HDX: variants seen among roughly 807,000 people sequenced by gnomAD.
The protein encoded by HDX is chromosome X open reading frame 43.
In HDX, 19 loss-of-function variants were observed where a neutral mutation model predicts 45.2. That is an observed-to-expected ratio of 0.42 (90% CI 0.29 to 0.62). The LOEUF is 0.62. Among genes scored for constraint, HDX ranks in the 20% least tolerant of loss-of-function variants. The probability of loss-of-function intolerance (pLI) is 0.20; values close to 1 mark genes in which losing one functional copy is unlikely to be tolerated. For synonymous variants in HDX, 188 were observed against 172.8 expected (o/e 1.09, Z -0.69); for missense variants, 532 against 493.9 (o/e 1.08, Z -0.73).
chrX:84,476,258 T>C (rs982213534), intron 2 of HDX, among the ~76,000 whole-genome samples: 1 of 111,412 alleles, frequency 9.0e-6, no homozygotes, highest in African/African-American at 3.3e-5. Flanking sequence ...AAAGAATCCT[T>C]GTGATTAGAT....
rs1199842616 is a variant in HDX, at chrX:84,406,838, G to C, written c.1305+33694C>G. ...AAACATTTGTTTCATATGAAATTAA[G>C]TAAGAACATAAACTCATACTAAAAA... On this transcript the variant is annotated intron_variant, in intron 5 of 10. Coordinates refer to ENST00000373177, the MANE Select transcript of HDX (RefSeq NM_001177479.2). 3.6e-5 allele frequency among the ~76,000 whole-genome samples: 4 copies of C among 110,269 alleles called. No homozygotes were observed. The East Asian group carries it at 1.1e-3, about 31-fold the overall frequency.
At chrX:84,458,986 C>T (rs1032768685) in intron 4 of HDX, among the ~76,000 whole-genome samples, 1 of 111,443 alleles carries the variant, frequency 9.0e-6, no homozygotes, top group Non-Finnish European at 1.9e-5. Flanking sequence ...ATACACCCTA[C>T]CAAAAAAGTG....
At chrX:84,355,487 T>C (rs764062750) in intron 6 of HDX, among the ~76,000 whole-genome samples, 3 of 111,776 alleles carry the variant, frequency 2.7e-5, no homozygotes, top group South Asian at 3.7e-4. Flanking sequence ...CTTGAGAGAG[T>C]TGCATTTTTC....
intron 9 of HDX, among the ~76,000 whole-genome samples, chrX:84,329,775 G>A (rs1374775479): frequency 9.0e-6 from 1 of 111,720 alleles, no homozygotes; most frequent in Non-Finnish European, 1.9e-5. Context: ...TGTATCCTCT[G>A]ACCATCATTC....
chrX:84,327,730 T>A (rs1350123308), intron 9 of HDX, among the ~76,000 whole-genome samples: 1 of 111,745 alleles, frequency 8.9e-6, no homozygotes, highest in Non-Finnish European at 1.9e-5. Context: ...TACCTTGGGT[T>A]AGGCAAAAAG....
At chrX:84,418,448 A>AG (rs1262172879) in intron 5 of HDX, among the ~76,000 whole-genome samples, 1 of 111,762 alleles carries the variant, frequency 8.9e-6, no homozygotes, top group East Asian at 2.8e-4. Context: ...GGTATGTATT[A>AG]GGGGGGTACA....
chrX:84,398,210 A>G (rs979921448), intron 5 of HDX, among the ~76,000 whole-genome samples: 1 of 111,379 alleles, frequency 9.0e-6, no homozygotes, highest in African/African-American at 3.3e-5. Context: ...TGACAGATCA[A>G]ATTTACACAC....
intron 7 of HDX, among the ~76,000 whole-genome samples, chrX:84,340,371 C>T (rs1373463720): frequency 2.7e-5 from 3 of 110,779 alleles, no homozygotes; most frequent in Non-Finnish European, 5.7e-5. Context: ...AGATATCTTT[C>T]CCTTCTTAGA....
chrX:84,318,003 G>T lies in HDX; in HGVS notation c.*3886C>A, dbSNP rs1408105018. ...AGAGGTAGTACTAGTAAAATGGGAT[G>T]CAGGATTGCTAAAATGAATTACTTA... On this transcript the variant is annotated 3_prime_UTR_variant, in exon 11 of 11. Coordinates refer to ENST00000373177, the MANE Select transcript of HDX (RefSeq NM_001177479.2). 1 of 111,148 alleles carries T rather than the reference G, an allele frequency of 9.0e-6. No individual in the cohort carries two copies. The highest frequency in any genetic ancestry group is 1.9e-5 in the Non-Finnish European group (1 of 52,611). The allele number at this position is 111,148 out of a possible 1,213,427, so 9.2% of individuals were successfully genotyped here. A position where few individuals can be genotyped will look rare whatever the true frequency, so the allele number is the denominator to read the frequency against.
chrX:84,417,929 C>T (rs931867040), intron 5 of HDX, among the ~76,000 whole-genome samples: 6 of 112,039 alleles, frequency 5.4e-5, no homozygotes, highest in African/African-American at 1.3e-4. Context: ...CAGCTATTCC[C>T]TGTACTCCTC....
intron 5 of HDX, among the ~76,000 whole-genome samples, chrX:84,389,352 G>A (rs979073417): frequency 1.8e-5 from 2 of 111,651 alleles, no homozygotes; most frequent in African/African-American, 3.3e-5. Context: ...ACCCTTTCTG[G>A]ACCAGCCTGG....
chrX:84,326,538 C>A (rs2036714042), intron 9 of HDX, among the ~76,000 whole-genome samples: 1 of 111,119 alleles, frequency 9.0e-6, no homozygotes, highest in Non-Finnish European at 1.9e-5. Flanking sequence ...CCAATAAGTT[C>A]CAGTAAGAGA....
At chrX:84,499,554 G>A (rs1469368195) in intron 1 of HDX, among the ~76,000 whole-genome samples, 2 of 111,331 alleles carry the variant, frequency 1.8e-5, no homozygotes, top group Middle Eastern at 4.6e-3. Flanking sequence ...TCAGAGAAAA[G>A]GTCAAAGGAT....
At chrX:84,331,898 C>T (rs941176118) in intron 9 of HDX, among the ~76,000 whole-genome samples, 2 of 111,584 alleles carry the variant, frequency 1.8e-5, no homozygotes, top group Non-Finnish European at 3.8e-5. Flanking sequence ...TGTAAGTACA[C>T]TCTATGATGT....
At chrX:84,335,892 T>C (rs2036948897) in intron 8 of HDX, among the ~76,000 whole-genome samples, 1 of 110,666 alleles carries the variant, frequency 9.0e-6, no homozygotes, top group Non-Finnish European at 1.9e-5. Context: ...GCAAAACTAT[T>C]TTATGCGCTC....
At chrX:84,459,682 AAAT>A (rs913097528) in intron 4 of HDX, among the ~76,000 whole-genome samples, 4 of 111,175 alleles carry the variant, frequency 3.6e-5, no homozygotes, top group African/African-American at 1.3e-4. Context: ...TAGAAAAAAA[AAAT>A]AAAAATCAGA....
At chrX:84,334,830 T>A (rs184472834) in intron 8 of HDX, among the ~76,000 whole-genome samples, 2 of 111,060 alleles carry the variant, frequency 1.8e-5, no homozygotes, top group East Asian at 5.7e-4. Context: ...CACTAGACGG[T>A]CTTTTAAGAA....
chrX:84,395,808 A>G (rs1157612793), intron 5 of HDX, among the ~76,000 whole-genome samples: 8 of 111,629 alleles, frequency 7.2e-5, no homozygotes, highest in Non-Finnish European at 1.9e-5. Context: ...ATTTCAAAAG[A>G]TCTGTCTTCA....
chrX:84,421,120 A>G (rs777351327), intron 5 of HDX, among the ~76,000 whole-genome samples: 1 of 112,229 alleles, frequency 8.9e-6, no homozygotes, highest in South Asian at 3.7e-4. Context: ...CACACATAAA[A>G]AACACAGAAT....
Sources: gnomAD v4.1 joint callset for allele counts (sites outside exome capture counted in the v4.1 genomes callset) on GRCh38, gnomAD v4.1.1 for gene constraint, MANE v1.5 for transcripts, NCBI Gene and HGNC (gene_info 2026-07-23, HGNC 2026-07-21) for gene names.